CIMIP4: variants seen among roughly 807,000 people sequenced by gnomAD.
CIMIP4 encodes protein EAN57.
At chr22:37,007,755 G>C in the CIMIP4 span, 1 of 152,248 alleles carries the variant, frequency 6.6e-6, no homozygotes, top group Non-Finnish European at 1.5e-5. Flanking sequence ...ATAACAGCAG[G>C]AAACACGTGA....
chr22:36,999,377 G>A, the CIMIP4 span, among the ~76,000 whole-genome samples: 1 of 150,026 alleles, frequency 6.7e-6, no homozygotes, highest in Non-Finnish European at 1.5e-5. Flanking sequence ...CTACTTATGG[G>A]GGCAGGGGGG....
At chr22:37,007,125 A>T in the CIMIP4 span, among the ~76,000 whole-genome samples, 1 of 152,170 alleles carries the variant, frequency 6.6e-6, no homozygotes. Flanking sequence ...GGACAGAAAA[A>T]TCACCAACAC....
the CIMIP4 span, among the ~76,000 whole-genome samples, chr22:37,002,935 T>TCCCACGTCCCTGCCC: frequency 6.6e-6 from 1 of 152,164 alleles, no homozygotes; most frequent in Non-Finnish European, 1.5e-5. Context: ...TCTCCCTGTC[T>TCCCACGTCCCTGCCC]CCCACGTCCC....
At chr22:37,003,878 G>A in the CIMIP4 span, 4 of 1,383,296 alleles carry the variant, frequency 2.9e-6, no homozygotes, top group African/African-American at 1.5e-5. Flanking sequence ...CGGAGCGGGA[G>A]GAGAAAGGGC....
the CIMIP4 span, among the ~76,000 whole-genome samples, chr22:36,996,462 A>T: frequency 6.6e-6 from 1 of 151,326 alleles, no homozygotes; most frequent in Non-Finnish European, 1.5e-5. Context: ...CTCCTGAGTA[A>T]GTCTAACAAA....
the CIMIP4 span, among the ~76,000 whole-genome samples, chr22:37,005,390 T>C: frequency 6.6e-6 from 1 of 152,232 alleles, no homozygotes; most frequent in Admixed American, 6.5e-5. Flanking sequence ...TATGGTCATT[T>C]GTTACGCAGC....
the CIMIP4 span, among the ~76,000 whole-genome samples, chr22:36,993,123 T>C: frequency 6.6e-6 from 1 of 151,644 alleles, no homozygotes; most frequent in African/African-American, 2.4e-5. Context: ...TCTACTCTCC[T>C]GCCTCAGCCT....
the CIMIP4 span, chr22:36,991,167 A>G: frequency 1.2e-6 from 2 of 1,611,424 alleles, no homozygotes; most frequent in South Asian, 1.1e-5. Context: ...AGACACCTCT[A>G]CTGTGTCAAA....
chr22:36,996,703 G>T, the CIMIP4 span, among the ~76,000 whole-genome samples: 1 of 152,196 alleles, frequency 6.6e-6, no homozygotes, highest in East Asian at 1.9e-4. Context: ...GTATGGGAGA[G>T]TAAAGGGCCT....
At chr22:37,002,486 T>G in the CIMIP4 span, among the ~76,000 whole-genome samples, 1 of 151,728 alleles carries the variant, frequency 6.6e-6, no homozygotes, top group African/African-American at 2.4e-5. Flanking sequence ...ACCAGAGGCA[T>G]GGGTGGGAAA....
chr22:36,998,280 C>A, the CIMIP4 span, among the ~76,000 whole-genome samples: 6 of 152,174 alleles, frequency 3.9e-5, no homozygotes, highest in Non-Finnish European at 8.8e-5. Context: ...GAACTGTATT[C>A]TCGCTTTCCT....
At chr22:36,999,087 C>T in the CIMIP4 span, among the ~76,000 whole-genome samples, 1 of 151,888 alleles carries the variant, frequency 6.6e-6, no homozygotes, top group African/African-American at 2.4e-5. Flanking sequence ...ACCAAAGGTG[C>T]CTGGGATGGG....
At chr22:37,001,153 T>C in the CIMIP4 span, among the ~76,000 whole-genome samples, 1 of 151,910 alleles carries the variant, frequency 6.6e-6, no homozygotes, top group African/African-American at 2.4e-5. Context: ...CTCGTGTCAG[T>C]TGATTTGTAA....
At chr22:37,004,271 C>T in the CIMIP4 span, among the ~76,000 whole-genome samples, 1 of 152,104 alleles carries the variant, frequency 6.6e-6, no homozygotes, top group Non-Finnish European at 1.5e-5. Flanking sequence ...TCTGAAAAGC[C>T]CTGGCCACCC....
the CIMIP4 span, among the ~76,000 whole-genome samples, chr22:36,999,381 AG>A: frequency 4.1e-5 from 6 of 147,214 alleles, no homozygotes; most frequent in Non-Finnish European, 9.0e-5. Context: ...TTATGGGGGC[AG>A]GGGGGTAGCT....
chr22:36,994,156 A>T, the CIMIP4 span, among the ~76,000 whole-genome samples: 1 of 152,352 alleles, frequency 6.6e-6, no homozygotes, highest in East Asian at 1.9e-4. Flanking sequence ...GGACAAATGG[A>T]CAAAGCTGCT....
chr22:36,996,604 GC>G, the CIMIP4 span, among the ~76,000 whole-genome samples: 5 of 152,120 alleles, frequency 3.3e-5, no homozygotes, highest in Non-Finnish European at 7.4e-5. Flanking sequence ...GCTGACAACA[GC>G]CCTTAAATTG....
chr22:37,001,817 C>A, the CIMIP4 span: 1 of 1,533,916 alleles, frequency 6.5e-7, no homozygotes, highest in Non-Finnish European at 8.8e-7. Context: ...GCATCACCCT[C>A]CTGGCCCCTG....
chr22:36,995,480 C>T, the CIMIP4 span, among the ~76,000 whole-genome samples: 17 of 152,272 alleles, frequency 1.1e-4, no homozygotes, highest in African/African-American at 3.4e-4. Flanking sequence ...GGCCACTCAC[C>T]GTGGCCATAT....
Sources: gnomAD v4.1 joint callset for allele counts (sites outside exome capture counted in the v4.1 genomes callset) on GRCh38, gnomAD v4.1.1 for gene constraint, MANE v1.5 for transcripts, NCBI Gene and HGNC (gene_info 2026-07-23, HGNC 2026-07-21) for gene names.